RALYL: variants seen among roughly 807,000 people sequenced by gnomAD.
RALYL encodes RNA-binding Raly-like protein.
RALYL carries 29 observed loss-of-function variants against 35.1 expected under a neutral mutation model. The observed-to-expected ratio is 0.83, with a 90% CI of 0.61 to 1.13. RALYL has a LOEUF of 1.13. Ranked by LOEUF, RALYL falls within the 50% of genes most tolerant of loss-of-function variation. RALYL has a pLI of 0.00. For synonymous variants in RALYL, 120 were observed against 127.6 expected (o/e 0.94, Z 0.40); for missense variants, 359 against 360.4 (o/e 1.00, Z 0.03).
At chr8:84,489,907 AG>A (rs539648816) in intron 1 of RALYL, among the ~76,000 whole-genome samples, 62 of 152,206 alleles carry the variant, frequency 4.1e-4, no homozygotes, top group African/African-American at 1.4e-3. Context: ...TAAAGTGTCA[AG>A]AAACAGGCCG....
chr8:84,725,730 C>A (rs1844826896), intron 2 of RALYL, among the ~76,000 whole-genome samples: 1 of 151,490 alleles, frequency 6.6e-6, no homozygotes, highest in Admixed American at 6.6e-5. Flanking sequence ...TACCAGAATG[C>A]AGATAAATGA....
intron 1 of RALYL, among the ~76,000 whole-genome samples, chr8:84,273,603 G>T (rs4433143): frequency 0.96 from 146,739 of 152,354 alleles, 70,707 homozygotes; most frequent in East Asian, 1. Context: ...TCAAGGATGC[G>T]TACATGTCTG....
At chr8:84,799,618 A>C (rs1006211287) in intron 3 of RALYL, among the ~76,000 whole-genome samples, 1 of 152,232 alleles carries the variant, frequency 6.6e-6, no homozygotes, top group Admixed American at 6.5e-5. Context: ...TGGTCACCTA[A>C]GTGGCTGAGT....
At chr8:84,729,706 C>T (rs1485534208) in intron 2 of RALYL, among the ~76,000 whole-genome samples, 1 of 152,006 alleles carries the variant, frequency 6.6e-6, no homozygotes, top group Non-Finnish European at 1.5e-5. Flanking sequence ...GGGGATATCA[C>T]CACTGATCCC....
At chr8:84,766,171 T>G (rs1813904969) in intron 2 of RALYL, among the ~76,000 whole-genome samples, 1 of 152,104 alleles carries the variant, frequency 6.6e-6, no homozygotes, top group East Asian at 1.9e-4. Flanking sequence ...CCTAAACATG[T>G]CAGGGTATCT....
chr8:84,811,196 T>G (rs2134096645), intron 4 of RALYL, among the ~76,000 whole-genome samples: 1 of 152,312 alleles, frequency 6.6e-6, no homozygotes, highest in African/African-American at 2.4e-5. Flanking sequence ...GCAATTCTTA[T>G]AGTGGTGGTT....
intron 4 of RALYL, among the ~76,000 whole-genome samples, chr8:84,830,692 GA>G (rs1217618885): frequency 1.3e-5 from 2 of 151,382 alleles, no homozygotes; most frequent in East Asian, 1.9e-4. Flanking sequence ...AATTAATGAG[GA>G]AAAAAAATGG....
At chr8:84,650,508 A>C (rs1828528788) in intron 2 of RALYL, among the ~76,000 whole-genome samples, 1 of 152,142 alleles carries the variant, frequency 6.6e-6, no homozygotes, top group African/African-American at 2.4e-5. Context: ...AATGCAAATA[A>C]AAACCACAAT....
chr8:84,917,011 G>C (rs1243847423), intron 8 of RALYL, among the ~76,000 whole-genome samples: 1 of 151,582 alleles, frequency 6.6e-6, no homozygotes, highest in Admixed American at 6.6e-5. Context: ...TTTATGTTTA[G>C]CTTCAGTTTT....
intron 1 of RALYL, among the ~76,000 whole-genome samples, chr8:84,330,668 T>C (rs1846640681): frequency 6.6e-6 from 1 of 152,104 alleles, no homozygotes; most frequent in African/African-American, 2.4e-5. Flanking sequence ...TTTGAAGGCC[T>C]GTTATCCCCT....
chr8:84,442,684 C>T (rs78212440), intron 1 of RALYL, among the ~76,000 whole-genome samples: 1 of 152,104 alleles, frequency 6.6e-6, no homozygotes, highest in African/African-American at 2.4e-5. Context: ...CTGTGAACTA[C>T]ATTTTTGGTT....
chr8:84,259,130 C>T (rs907156126), intron 1 of RALYL, among the ~76,000 whole-genome samples: 10 of 152,072 alleles, frequency 6.6e-5, no homozygotes, highest in East Asian at 1.9e-4. Flanking sequence ...AATGTTCCAT[C>T]GTTCTCTGGA....
At chr8:84,501,512 T>G (rs2056654337) in intron 1 of RALYL, among the ~76,000 whole-genome samples, 1 of 152,056 alleles carries the variant, frequency 6.6e-6, no homozygotes, top group Admixed American at 6.6e-5. Flanking sequence ...ACATATTCTG[T>G]GATGTCATGG....
chr8:84,533,323 A>C (rs893801237), intron 2 of RALYL, among the ~76,000 whole-genome samples: 14 of 152,182 alleles, frequency 9.2e-5, no homozygotes, highest in Non-Finnish European at 1.6e-4. Flanking sequence ...AAAACATTTT[A>C]AATGCTTAAT....
chr8:84,854,665 A>G (rs1281800226), intron 5 of RALYL, among the ~76,000 whole-genome samples: 3 of 152,252 alleles, frequency 2.0e-5, no homozygotes, highest in Non-Finnish European at 2.9e-5. Flanking sequence ...GGCTAATTGC[A>G]TATAGAAACT....
intron 1 of RALYL, among the ~76,000 whole-genome samples, chr8:84,501,926 A>G (rs1257042940): frequency 6.6e-6 from 1 of 151,492 alleles, no homozygotes; most frequent in Non-Finnish European, 1.5e-5. Flanking sequence ...AATTTTACTC[A>G]AGAATGAAAC....
chr8:84,510,075 G>C (rs1307216833), intron 1 of RALYL, among the ~76,000 whole-genome samples: 1 of 152,092 alleles, frequency 6.6e-6, no homozygotes, highest in Non-Finnish European at 1.5e-5. Context: ...AGATTGCATT[G>C]AATCTATGGA....
intron 1 of RALYL, among the ~76,000 whole-genome samples, chr8:84,215,420 A>C (rs1820568861): frequency 6.6e-6 from 1 of 152,134 alleles, no homozygotes; most frequent in South Asian, 2.1e-4. Context: ...ATTCTGAATA[A>C]TGTAAAAATT....
chr8:84,798,233 CT>C (rs1485437733), intron 3 of RALYL, among the ~76,000 whole-genome samples: 4 of 152,052 alleles, frequency 2.6e-5, no homozygotes, highest in Admixed American at 2.0e-4. Context: ...TACTGCATAT[CT>C]TCTCCAATAT....
Sources: allele counts gnomAD v4.1 joint callset (sites outside exome capture counted in the v4.1 genomes callset), GRCh38; gene constraint gnomAD v4.1.1; transcripts MANE v1.5; gene names NCBI Gene and HGNC (gene_info 2026-07-23, HGNC 2026-07-21).